The following KLHDC10 variants were observed in gnomAD, a reference collection of about 807,000 sequenced individuals.
KLHDC10 encodes the protein kelch domain containing 10.
A neutral mutation model predicts 56.1 loss-of-function variants in KLHDC10; 24 were observed. That is an observed-to-expected ratio of 0.43 (90% CI 0.31 to 0.60). The LOEUF (loss-of-function observed/expected upper bound fraction) is 0.60, where lower values mean the gene tolerates loss of function less well. KLHDC10 is among the 20% of genes least tolerant of loss of function. The pLI is 0.11. For missense variants in KLHDC10, 349 were observed against 567.0 expected (o/e 0.62, Z 3.91); for synonymous variants, 188 against 207.1 (o/e 0.91, Z 0.79).
At chr7:130,108,399 G>A (rs897696705) in intron 2 of KLHDC10, among the ~76,000 whole-genome samples, 1 of 151,758 alleles carries the variant, frequency 6.6e-6, no homozygotes, top group Non-Finnish European at 1.5e-5. Flanking sequence ...TTGCAAAAAT[G>A]GTAGAAATTC....
chr7:130,087,085 G>A (rs1795701963), intron 1 of KLHDC10, among the ~76,000 whole-genome samples: 1 of 152,192 alleles, frequency 6.6e-6, no homozygotes, highest in Non-Finnish European at 1.5e-5. Context: ...AGGACATACA[G>A]CTAGCAAGGG....
chr7:130,099,809 G>A (rs1289763436), intron 2 of KLHDC10, among the ~76,000 whole-genome samples: 1 of 152,154 alleles, frequency 6.6e-6, no homozygotes, highest in African/African-American at 2.4e-5. Context: ...GATTATTATA[G>A]TTATTAGTGT....
At position 130,093,992 on chromosome 7, in the gene KLHDC10, C is replaced by T. The variant is rs1336456456; in HGVS notation, c.167-2929C>T. On this transcript the variant is annotated intron_variant, in intron 1 of 9. Coordinates refer to ENST00000335420, the MANE Select transcript of KLHDC10 (RefSeq NM_014997.4). ...AGAGTGGAATTCAGTGGCACGATCT[C>T]GGCTCACTGCAACCTCCGCCTCTTG... 2.0e-4 allele frequency among the ~76,000 whole-genome samples: 31 copies of T among 152,080 alleles called. 1 individual carries two copies. The highest frequency in any genetic ancestry group is 2.0e-3 in the Admixed American group (30 of 15,276).
At chr7:130,084,772 GA>G (rs111770744) in intron 1 of KLHDC10, among the ~76,000 whole-genome samples, 3,928 of 120,234 alleles carry the variant, frequency 0.033, 51 homozygotes, top group African/African-American at 0.048. Flanking sequence ...GCGAGACTCT[GA>G]AAAAAAAAAA....
chr7:130,096,679 C>A (rs2116870561), intron 1 of KLHDC10, among the ~76,000 whole-genome samples: 1 of 152,246 alleles, frequency 6.6e-6, no homozygotes, highest in South Asian at 2.1e-4. Flanking sequence ...AACCAGAATT[C>A]CCAAAAACGG....
intron 1 of KLHDC10, among the ~76,000 whole-genome samples, chr7:130,075,660 T>G (rs188831134): frequency 6.6e-6 from 1 of 152,034 alleles, no homozygotes; most frequent in Non-Finnish European, 1.5e-5. Flanking sequence ...CATGAGAGAG[T>G]CTTTCTTTAG....
At chr7:130,078,729 A>G (rs951132028) in intron 1 of KLHDC10, among the ~76,000 whole-genome samples, 5 of 152,188 alleles carry the variant, frequency 3.3e-5, no homozygotes, top group African/African-American at 1.2e-4. Context: ...CGTGTTAGCC[A>G]GGATGGTCTC....
chr7:130,115,353 A>G (rs1796152461), intron 2 of KLHDC10, among the ~76,000 whole-genome samples: 1 of 152,180 alleles, frequency 6.6e-6, no homozygotes, highest in African/African-American at 2.4e-5. Flanking sequence ...TAAGGATAAC[A>G]GAAACTACAA....
At chr7:130,105,341 C>T (rs1472027940) in intron 2 of KLHDC10, among the ~76,000 whole-genome samples, 2 of 152,254 alleles carry the variant, frequency 1.3e-5, no homozygotes, top group Admixed American at 6.5e-5. Context: ...AAATTTGAAA[C>T]AACCCAAAAT....
chr7:130,130,042 C>T lies in KLHDC10; in HGVS notation c.1119+466C>T, dbSNP rs533726058. ...AAAAAATTCATATATATAGGCCGGGCGCGGTGGCTCAGGCCTGTAATCCCA... is the reference window on the plus strand; with the variant it reads ...AAAAAATTCATATATATAGGCCGGGTGCGGTGGCTCAGGCCTGTAATCCCA... On this transcript the variant is annotated intron_variant, in intron 9 of 9. Transcript: ENST00000335420. This position sits in a 1 kb window ranked among gnomAD's most constrained non-coding sequence, Gnocchi z 4.2. Among the ~76,000 whole-genome samples the T allele has an allele frequency of 2.2e-4, 33 of 152,050 alleles. No homozygotes were observed. Among genetic ancestry groups the T allele is most frequent in the Admixed American group, 1.4e-3 (21 of 15,280 alleles).
chr7:130,127,023 G>C (rs1796324520), intron 7 of KLHDC10, among the ~76,000 whole-genome samples: 1 of 152,184 alleles, frequency 6.6e-6, no homozygotes, highest in African/African-American at 2.4e-5. Context: ...AGGATCATTT[G>C]AGCCCAGGAG....
chr7:130,112,871 T>C (rs186336965), intron 2 of KLHDC10, among the ~76,000 whole-genome samples: 52 of 152,294 alleles, frequency 3.4e-4, no homozygotes, highest in South Asian at 6.2e-4. Flanking sequence ...AAAGTGTGAT[T>C]TGCAGAGATC....
At position 130,116,500 on chromosome 7, in the gene KLHDC10, C is replaced by A; in HGVS notation, c.309C>A (p.Asn103Lys). 2 of 1,614,160 alleles carry A rather than the reference C, an allele frequency of 1.2e-6. No homozygotes were observed. Among genetic ancestry groups the A allele is most frequent in the Non-Finnish European group, 1.7e-6 (2 of 1,180,026 alleles). Residue 103 changes from asparagine (N) to lysine (K), a missense_variant, in exon 3 of 10, where the codon AAC becomes AAA. Around this residue, in one of 2 missense-constraint regions of KLHDC10, gnomAD observed 245 missense variants for 470.1 expected, o/e 0.52. Transcript: ENST00000335420. This position sits in a 1 kb window ranked among gnomAD's most constrained non-coding sequence, Gnocchi z 4.8. ...SGHRCVADNTNLYVFGGYNPD... is the reference protein window; with the variant it reads ...SGHRCVADNTKLYVFGGYNPD... ...ATCGTTGTGTGGCAGATAATACCAA[C>A]CTATATGTGTTTGGAGGTTATAACC... is the stretch of plus-strand genomic sequence containing the variant.
intron 9 of KLHDC10, among the ~76,000 whole-genome samples, 196 bp downstream of exon 9, chr7:130,129,772 T>A (rs1387753294): frequency 6.6e-6 from 1 of 152,114 alleles, no homozygotes; most frequent in African/African-American, 2.4e-5. Flanking sequence ...TTTGAGAGAA[T>A]AACATAAATG....
rs777818762 is a variant in KLHDC10 at position 130,070,798 on chromosome 7, C to G, written c.155C>G (p.Pro52Arg). The G allele has an allele frequency of 7.7e-7, 1 of 1,306,622 alleles. No homozygotes were observed. The highest frequency in any genetic ancestry group is 2.8e-5 in the South Asian group (1 of 35,804). The allele number at this position is 1,306,622 out of a possible 1,614,324, so 80.9% of individuals were successfully genotyped here. A position where few individuals can be genotyped will look rare whatever the true frequency, so the allele number is the denominator to read the frequency against. The change falls in exon 1 of 10, where the codon CCG (proline) becomes CGG (arginine). Residue 52 changes from proline to arginine, a missense_variant. Pro to Arg is a moderately radical substitution (Grantham distance 103). Around this residue, in one of 2 missense-constraint regions of KLHDC10, gnomAD observed 104 missense variants for 97.0 expected, o/e 1.07. Transcript: ENST00000335420. ...CGCTTCGTGCAACTCTCCGGGCGGCCGCACCTGCCAGGTGAGTCGTGGGAC... is the reference window on the plus strand; with the variant it reads ...CGCTTCGTGCAACTCTCCGGGCGGCGGCACCTGCCAGGTGAGTCGTGGGAC... ...LNRFVQLSGR[P>R]HLPGKKKIRW... is the part of the protein sequence containing the mutation.
At chr7:130,103,716 G>C (rs923615839) in intron 2 of KLHDC10, among the ~76,000 whole-genome samples, 9 of 152,020 alleles carry the variant, frequency 5.9e-5, no homozygotes, top group Middle Eastern at 3.2e-3. Context: ...ATGTTTAAGT[G>C]GGGGGGTCAA....
rs1796423214 is a variant in KLHDC10 at position 130,133,159 on chromosome 7, C to T, written c.*2413C>T. ...ACCAGCACTGAGTGCTATAGAACCA[C>T]ACATGTGTACATGTTCTGGATGCCA... On this transcript the variant is annotated 3_prime_UTR_variant, in exon 10 of 10. Transcript: ENST00000335420. 6.6e-6 allele frequency: 1 copy of T among 152,218 alleles called. No homozygotes were observed. The highest frequency in any genetic ancestry group is 1.5e-5 in the Non-Finnish European group (1 of 68,054). 9.4% of individuals were successfully genotyped at this position (152,218 alleles called of 1,614,324 possible).
At chr7:130,086,049 G>A (rs1039366499) in intron 1 of KLHDC10, among the ~76,000 whole-genome samples, 1 of 151,998 alleles carries the variant, frequency 6.6e-6, no homozygotes, top group African/African-American at 2.4e-5. Context: ...TTGAGGTGCA[G>A]CCTAATTTTT....
At chr7:130,099,894 C>A (rs77729401) in intron 2 of KLHDC10, among the ~76,000 whole-genome samples, 1,675 of 152,182 alleles carry the variant, frequency 0.011, 32 homozygotes, top group African/African-American at 0.038. Context: ...GTGGCCTACA[C>A]CTGCAATCCA....
Sources: gnomAD v4.1 joint callset for allele counts (sites outside exome capture counted in the v4.1 genomes callset) on GRCh38, gnomAD v4.1.1 for gene constraint, gnomAD v4.1.1 regional missense constraint, Gnocchi (gnomAD v3.1) non-coding constraint, MANE v1.5 for transcripts, NCBI Gene and HGNC (gene_info 2026-07-23, HGNC 2026-07-21) for gene names.